The following EYA1 variants were observed in gnomAD, a reference collection of about 807,000 sequenced individuals.
EYA1 encodes the protein protein phosphatase EYA1.
In EYA1, 16 loss-of-function variants were observed where a neutral mutation model predicts 82.0. The ratio of observed to expected loss-of-function variants is 0.20; its 90% CI spans 0.13 to 0.30. The LOEUF is 0.30. EYA1 is among the 10% of genes least tolerant of loss of function. EYA1 has a pLI of 1.00. For synonymous variants in EYA1, 261 were observed against 264.4 expected, an observed-to-expected ratio of 0.99 and a Z score of 0.12; for missense variants, 633 against 730.7, an observed-to-expected ratio of 0.87 and a Z score of 1.54.
At chr8:71,456,914 T>G (rs547940280) in intron 2 of EYA1, among the ~76,000 whole-genome samples, 3 of 152,078 alleles carry the variant, frequency 2.0e-5, no homozygotes, top group Middle Eastern at 3.4e-3. Flanking sequence ...ACAAATGGGA[T>G]CTAATTAAAC....
At chr8:71,508,427 C>T (rs535369520) in intron 2 of EYA1, among the ~76,000 whole-genome samples, 1 of 152,278 alleles carries the variant, frequency 6.6e-6, no homozygotes, top group East Asian at 1.9e-4. Flanking sequence ...GCACACAACA[C>T]CAAGCCCAGC....
intron 2 of EYA1, among the ~76,000 whole-genome samples, chr8:71,471,168 G>A (rs1370876422): frequency 6.6e-6 from 1 of 151,940 alleles, no homozygotes; most frequent in Non-Finnish European, 1.5e-5. Flanking sequence ...TCAATTAGAA[G>A]AGAGTCTGAA....
chr8:71,372,978 T>G (rs187115804), intron 2 of EYA1, among the ~76,000 whole-genome samples: 9 of 152,194 alleles, frequency 5.9e-5, no homozygotes, highest in African/African-American at 2.2e-4. Context: ...GAAGGAAATT[T>G]CCTTGACATA....
At chr8:71,541,290 T>G (rs560233872) in intron 1 of EYA1, among the ~76,000 whole-genome samples, 1 of 152,266 alleles carries the variant, frequency 6.6e-6, no homozygotes, top group Non-Finnish European at 1.5e-5. Context: ...CAGAAGTAAA[T>G]GTATACACCA....
chr8:71,490,446 A>G (rs1405594967), intron 2 of EYA1, among the ~76,000 whole-genome samples: 3 of 152,258 alleles, frequency 2.0e-5, no homozygotes, highest in Non-Finnish European at 4.4e-5. Flanking sequence ...AAACAGAACT[A>G]TAAAGGCTTT....
intron 11 of EYA1, among the ~76,000 whole-genome samples, chr8:71,267,519 T>C (rs1257689170): frequency 6.6e-6 from 1 of 152,204 alleles, no homozygotes; most frequent in Admixed American, 6.5e-5. Flanking sequence ...AGAGAGTATA[T>C]AAATTTGGCT....
intron 3 of EYA1, among the ~76,000 whole-genome samples, chr8:71,339,101 G>A (rs1824828332): frequency 6.6e-6 from 1 of 152,000 alleles, no homozygotes; most frequent in Non-Finnish European, 1.5e-5. Flanking sequence ...TTACCTCCTT[G>A]AAATATCACC....
chr8:71,473,528 A>T (rs1809403362), intron 2 of EYA1, among the ~76,000 whole-genome samples: 1 of 152,196 alleles, frequency 6.6e-6, no homozygotes, highest in African/African-American at 2.4e-5. Context: ...TAGAATGGTG[A>T]TCATTAAAAA....
chr8:71,493,746 G>T (rs765881284), intron 2 of EYA1, among the ~76,000 whole-genome samples: 6 of 151,434 alleles, frequency 4.0e-5, no homozygotes, highest in African/African-American at 7.3e-5. Flanking sequence ...CTTTTTGGCC[G>T]GGCGCGGTGG....
intron 17 of EYA1, among the ~76,000 whole-genome samples, chr8:71,206,323 G>C (rs568312395): frequency 6.6e-6 from 1 of 152,090 alleles, no homozygotes; most frequent in Admixed American, 6.5e-5. Flanking sequence ...TGAGGCTCAG[G>C]TGATCCTCAC....
intron 9 of EYA1, among the ~76,000 whole-genome samples, chr8:71,284,939 T>C (rs1245524027): frequency 6.6e-6 from 1 of 152,224 alleles, no homozygotes; most frequent in Non-Finnish European, 1.5e-5. Context: ...TCTTCTAGCA[T>C]GGCATTTTAA....
intron 7 of EYA1, among the ~76,000 whole-genome samples, chr8:71,307,116 G>C (rs1303912339): frequency 6.6e-6 from 1 of 152,098 alleles, no homozygotes. Flanking sequence ...GGTGGGGAGG[G>C]GGACAGTTTG....
chr8:71,199,282 C>T lies in EYA1; in HGVS notation c.*58G>A. On this transcript the variant is annotated 3_prime_UTR_variant, in exon 18 of 18. Coordinates refer to ENST00000340726, the MANE Select transcript of EYA1 (RefSeq NM_000503.6). ...GCCGGCGCTGATGCGAGACTGGGGC[C>T]TGCTGGATCTGTCCCTGGTCACAGA... The T allele has an allele frequency of 7.7e-7, 1 of 1,293,878 alleles. No individual in the cohort carries two copies. The highest frequency in any genetic ancestry group is 1.1e-6 in the Non-Finnish European group (1 of 906,652). The allele number at this position is 1,293,878 out of a possible 1,614,324, so 80.1% of individuals were successfully genotyped here. A position where few individuals can be genotyped will look rare whatever the true frequency, so the allele number is the denominator to read the frequency against.
chr8:71,289,473 AAAG>A (rs1214712573), intron 9 of EYA1, among the ~76,000 whole-genome samples: 1 of 152,220 alleles, frequency 6.6e-6, no homozygotes, highest in Non-Finnish European at 1.5e-5. Context: ...AGTGCTGATT[AAAG>A]AAGATGTTTA....
At chr8:71,228,366 A>G (rs543594925) in intron 12 of EYA1, among the ~76,000 whole-genome samples, 71 of 152,138 alleles carry the variant, frequency 4.7e-4, no homozygotes, top group African/African-American at 1.6e-3. Flanking sequence ...TATGAGATAA[A>G]TTTCTTCCAG....
At chr8:71,525,928 G>A (rs540776702) in intron 2 of EYA1, among the ~76,000 whole-genome samples, 5 of 152,288 alleles carry the variant, frequency 3.3e-5, no homozygotes, top group East Asian at 3.9e-4. Flanking sequence ...GCAAAATAGC[G>A]AAAGGACTGA....
intron 11 of EYA1, among the ~76,000 whole-genome samples, chr8:71,258,006 C>A (rs1478868684): frequency 2.0e-5 from 3 of 152,026 alleles, no homozygotes; most frequent in Admixed American, 6.6e-5. Context: ...ATGAATAATA[C>A]AGAGAGACTT....
At chr8:71,383,320 C>T (rs1311571392) in intron 2 of EYA1, among the ~76,000 whole-genome samples, 1 of 152,040 alleles carries the variant, frequency 6.6e-6, no homozygotes, top group East Asian at 1.9e-4. Context: ...CCAGCAATTT[C>T]ACTTCTAGAT....
chr8:71,406,414 C>T (rs1475227486), intron 2 of EYA1, among the ~76,000 whole-genome samples: 1 of 152,198 alleles, frequency 6.6e-6, no homozygotes, highest in East Asian at 1.9e-4. Context: ...CAGCTCCCAG[C>T]GTGAGCGACG....
Sources: gnomAD v4.1 joint callset for allele counts (sites outside exome capture counted in the v4.1 genomes callset) on GRCh38, gnomAD v4.1.1 for gene constraint, MANE v1.5 for transcripts, NCBI Gene and HGNC (gene_info 2026-07-23, HGNC 2026-07-21) for gene names.